RALGAPB: variants seen among roughly 807,000 people sequenced by gnomAD.
The protein encoded by RALGAPB is ral GTPase-activating protein subunit beta.
In RALGAPB, 25 loss-of-function variants were observed where a neutral mutation model predicts 161.1. The ratio of observed to expected loss-of-function variants is 0.16; its 90% CI spans 0.11 to 0.22. The LOEUF (loss-of-function observed/expected upper bound fraction) is 0.22, where lower values mean the gene tolerates loss of function less well. Ranked by LOEUF, RALGAPB falls within the 10% of genes least tolerant of loss-of-function variation. RALGAPB has a pLI of 1.00. For missense variants in RALGAPB, 1,391 were observed against 1,815.2 expected, an observed-to-expected ratio of 0.77 and a Z score of 4.25; for synonymous variants, 629 against 626.1, an observed-to-expected ratio of 1.00 and a Z score of -0.07.
At chr20:38,505,237 T>A (rs2085726179) in intron 5 of RALGAPB, among the ~76,000 whole-genome samples, 1 of 152,246 alleles carries the variant, frequency 6.6e-6, no homozygotes, top group African/African-American at 2.4e-5. Flanking sequence ...CATGGAATAC[T>A]ATGCAGCCAT....
At chr20:38,559,003 A>T (rs937945313) in intron 23 of RALGAPB, among the ~76,000 whole-genome samples, 1 of 152,230 alleles carries the variant, frequency 6.6e-6, no homozygotes, top group Non-Finnish European at 1.5e-5. Context: ...TTTGTACTTG[A>T]TGCCTAAAGA....
chr20:38,543,843 C>T lies in RALGAPB; in HGVS notation c.2715-2400C>T, dbSNP rs184776649. 2.4e-4 allele frequency among the ~76,000 whole-genome samples: 37 copies of T among 152,032 alleles called. 1 individual carries two copies. The highest frequency in any genetic ancestry group is 3.2e-3 in the Middle Eastern group (1 of 316). On this transcript the variant is annotated intron_variant, in intron 18 of 29. Coordinates refer to ENST00000262879, the MANE Select transcript of RALGAPB (RefSeq NM_020336.4). ...TGAAGATGACTCTTTTCTGTACTTC[C>T]GTGCTCATTCTGTCTGACCCTGCTG... is the stretch of plus-strand genomic sequence containing the variant.
chr20:38,486,326 C>T (rs1017655068), intron 1 of RALGAPB, among the ~76,000 whole-genome samples: 2 of 152,086 alleles, frequency 1.3e-5, no homozygotes, highest in African/African-American at 4.8e-5. Flanking sequence ...TTCATTTAAT[C>T]ATTTAAACAT....
chr20:38,567,562 C>T (rs1361644249), intron 26 of RALGAPB, among the ~76,000 whole-genome samples: 1 of 152,064 alleles, frequency 6.6e-6, no homozygotes, highest in Non-Finnish European at 1.5e-5. Context: ...GTTTTTTTAT[C>T]TTTAATCTTG....
At chr20:38,513,662 AT>A (rs2086040697) in intron 6 of RALGAPB, among the ~76,000 whole-genome samples, 3 of 151,216 alleles carry the variant, frequency 2.0e-5, no homozygotes, top group Admixed American at 6.6e-5. Flanking sequence ...AAAAAAAAAA[AT>A]TAAATTAAAA....
At position 38,497,358 on chromosome 20, in the gene RALGAPB, A is replaced by G. The variant is rs769978201; in HGVS notation, c.395A>G (p.Glu132Gly). ...TATCTGTCTGTCTTCTTCAGACAGG[A>G]ACAGGGTTCCAGTCAGATTCGACTA... ...HLQNLFVPRQEQGSSQIRLCL... is the reference protein window; with the variant it reads ...HLQNLFVPRQGQGSSQIRLCL... The change falls in exon 4 of 30, where the codon GAA becomes GGA. Residue 132 changes from glutamate to glycine, a missense_variant. Physicochemically the swap from Glu to Gly is moderately conservative, Grantham distance 98. This residue lies in a region of RALGAPB where 946 missense variants were observed against 1,257.2 expected (regional missense o/e 0.75). Transcript: ENST00000262879. 5 of 1,613,616 alleles carry G rather than the reference A, an allele frequency of 3.1e-6. No individual in the cohort carries two copies. The highest frequency in any genetic ancestry group is 4.2e-6 in the Non-Finnish European group (5 of 1,179,838).
intron 28 of RALGAPB, 21 bp from the exon 29 acceptor site, chr20:38,574,129 T>G: frequency 1.3e-6 from 2 of 1,593,716 alleles, no homozygotes; most frequent in Non-Finnish European, 1.7e-6. Flanking sequence ...GTGTCTGAGA[T>G]AACAATTTTC....
At chr20:38,541,520 G>C (rs1447901909) in intron 18 of RALGAPB, among the ~76,000 whole-genome samples, 1 of 152,128 alleles carries the variant, frequency 6.6e-6, no homozygotes, top group African/African-American at 2.4e-5. Context: ...CTGTCTCTCT[G>C]TGGTTACACT....
At position 38,573,394 on chromosome 20, in the gene RALGAPB, C is replaced by A. The variant is rs1164486959; in HGVS notation, c.4143-756C>A. Among the ~76,000 whole-genome samples, 11 of 151,720 alleles carry A rather than the reference C, an allele frequency of 7.3e-5. No individual in the cohort carries two copies. In the South Asian group the frequency reaches 1.9e-3, roughly 26 times the overall value. On this transcript the variant is annotated intron_variant, in intron 28 of 29. Transcript: ENST00000262879. The stretch of plus-strand genomic sequence containing the variant: ...ACCTTACCTATATAGAAAGAAAATT[C>A]ATTGGGTTGCAAAAAGACCCCAACA...
intron 4 of RALGAPB, among the ~76,000 whole-genome samples, chr20:38,498,305 A>T (rs1428033426): frequency 6.6e-6 from 1 of 152,242 alleles, no homozygotes; most frequent in Non-Finnish European, 1.5e-5. Flanking sequence ...AGTGTATTTC[A>T]GAATCCCTGC....
At chr20:38,545,973 C>G (rs908179260) in intron 18 of RALGAPB, among the ~76,000 whole-genome samples, 5 of 152,090 alleles carry the variant, frequency 3.3e-5, no homozygotes, top group Admixed American at 1.3e-4. Context: ...ATTTTCTGTT[C>G]CGGATATTGA....
rs374205914 is a variant in RALGAPB, at chr20:38,569,880, T to A, written c.3955-8T>A. 2 of 1,608,390 alleles carry A rather than the reference T, an allele frequency of 1.2e-6. No individual in the cohort carries two copies. The highest frequency in any genetic ancestry group is 1.7e-6 in the Non-Finnish European group (2 of 1,175,418). ...TTCCCGCTCTCTGTCTTCTTCTTCTTCATGTAGCTCAGTCCCAGTTCCAGA... is the reference window on the plus strand; with the variant it reads ...TTCCCGCTCTCTGTCTTCTTCTTCTACATGTAGCTCAGTCCCAGTTCCAGA... On this transcript the variant is annotated splice_polypyrimidine_tract_variant and splice_region_variant and intron_variant, in intron 26 of 29. Transcript: ENST00000262879.
At chr20:38,571,677 C>T (rs967302384) in intron 28 of RALGAPB, among the ~76,000 whole-genome samples, 3 of 152,152 alleles carry the variant, frequency 2.0e-5, no homozygotes, top group Admixed American at 6.5e-5. Context: ...GGGAGTGCTG[C>T]TATCTCTTTG....
At chr20:38,515,955 A>T (rs1358327955) in intron 6 of RALGAPB, among the ~76,000 whole-genome samples, 1 of 151,972 alleles carries the variant, frequency 6.6e-6, no homozygotes. Flanking sequence ...CAAAATTAAA[A>T]TTTTTTCTAG....
chr20:38,534,170 C>CAA (rs1176991530), intron 15 of RALGAPB, among the ~76,000 whole-genome samples: 1 of 145,146 alleles, frequency 6.9e-6, no homozygotes, highest in Non-Finnish European at 1.5e-5. Context: ...AAAACAAAAA[C>CAA]AAAAAAAGAA....
At position 38,524,767 on chromosome 20, in the gene RALGAPB, T is replaced by G. The variant is rs2086407954; in HGVS notation, c.1620-11T>G. ...AGCAGTTTGTTTAAAATTTTTTTCT[T>G]GCTTTCCTAGATTTTACATGCTTTT... On this transcript the variant is annotated splice_polypyrimidine_tract_variant and intron_variant, in intron 10 of 29. Coordinates refer to ENST00000262879, the MANE Select transcript of RALGAPB (RefSeq NM_020336.4). 1.9e-6 allele frequency: 3 copies of G among 1,585,476 alleles called. No individual in the cohort carries two copies. The highest frequency in any genetic ancestry group is 2.6e-6 in the Non-Finnish European group (3 of 1,159,216).
Position 38,554,026 on chromosome 20 carries a change from G to A in RALGAPB, c.3322G>A (p.Ala1108Thr). Residue 1108 changes from alanine (A) to threonine (T), a missense_variant, in exon 22 of 30, where the codon GCC becomes ACC. This residue lies in a region of RALGAPB where 436 missense variants were observed against 527.0 expected (regional missense o/e 0.83). Transcript: ENST00000262879. ...GCCTCCTGCCCAGGAATTCCAAACA[G>A]CCCGCCTTTTTCTCTCACACTTTGG... ...PPPPAQEFQT[A>T]RLFLSHFGFL... The A allele has an allele frequency of 6.2e-7, 1 of 1,613,832 alleles. No individual in the cohort carries two copies. The highest frequency in any genetic ancestry group is 8.5e-7 in the Non-Finnish European group (1 of 1,179,854).
At chr20:38,486,634 T>G (rs2085123690) in intron 1 of RALGAPB, among the ~76,000 whole-genome samples, 1 of 152,214 alleles carries the variant, frequency 6.6e-6, no homozygotes, top group Non-Finnish European at 1.5e-5. Context: ...TTGTCCTTTT[T>G]TTTCTTCTTA....
chr20:38,574,226 C>A lies in RALGAPB; in HGVS notation c.4219C>A (p.Gln1407Lys). The A allele has an allele frequency of 6.2e-7, 1 of 1,613,732 alleles. No individual in the cohort carries two copies. The highest frequency in any genetic ancestry group is 8.5e-7 in the Non-Finnish European group (1 of 1,179,798). The change falls in exon 29 of 30, where the codon CAA becomes AAA. Residue 1407 changes from glutamine to lysine, a missense_variant. Coordinates refer to ENST00000262879, the MANE Select transcript of RALGAPB (RefSeq NM_020336.4). Reference sequence around the variant, plus strand: ...CACTGGATTATTCCGGATAAAAATTCAAGGAGCCACTGGAAAATTTAATAT... The same window carrying A: ...CACTGGATTATTCCGGATAAAAATTAAAGGAGCCACTGGAAAATTTAATAT... ...LNTGLFRIKI[Q>K]GATGKFNMVI...
Sources: gnomAD v4.1 joint callset for allele counts (sites outside exome capture counted in the v4.1 genomes callset) on GRCh38, gnomAD v4.1.1 for gene constraint, gnomAD v4.1.1 regional missense constraint, MANE v1.5 for transcripts, NCBI Gene and HGNC (gene_info 2026-07-23, HGNC 2026-07-21) for gene names.